The following SYNPO2 variants were observed in gnomAD, a reference collection of about 807,000 sequenced individuals.
SYNPO2 encodes synaptopodin-2.
A neutral mutation model predicts 85.0 loss-of-function variants in SYNPO2; 56 were observed. That is an observed-to-expected ratio of 0.66 (90% CI 0.53 to 0.82). SYNPO2 has a LOEUF of 0.82. Among genes scored for constraint, SYNPO2 ranks in the 40% least tolerant of loss-of-function variants. SYNPO2 has a pLI of 0.00. For synonymous variants in SYNPO2, 602 were observed against 591.1 expected (o/e 1.02, Z -0.27); for missense variants, 1,575 against 1,534.2 (o/e 1.03, Z -0.44).
intron 1 of SYNPO2, among the ~76,000 whole-genome samples, chr4:118,882,800 C>T (rs1375057224): frequency 2.0e-5 from 3 of 150,214 alleles, no homozygotes; most frequent in Admixed American, 6.7e-5. Context: ...GACGGAGTCT[C>T]GCTCTGTCGC....
intron 1 of SYNPO2, among the ~76,000 whole-genome samples, chr4:118,969,493 A>C (rs1163171511): frequency 6.6e-6 from 1 of 152,146 alleles, no homozygotes; most frequent in Admixed American, 6.5e-5. Context: ...TGCTCTGAGG[A>C]GGTGTGGAGC....
At chr4:118,976,076 T>C (rs1050015834) in intron 1 of SYNPO2, among the ~76,000 whole-genome samples, 85 of 152,242 alleles carry the variant, frequency 5.6e-4, no homozygotes, top group Non-Finnish European at 8.8e-5. Flanking sequence ...AGTGACTTTG[T>C]GTCCAGAATT....
chr4:118,989,902 G>A (rs1736347514), intron 1 of SYNPO2, among the ~76,000 whole-genome samples: 1 of 152,200 alleles, frequency 6.6e-6, no homozygotes, highest in South Asian at 2.1e-4. Flanking sequence ...TCCATCAGTA[G>A]ACCGATCCAC....
intron 1 of SYNPO2, among the ~76,000 whole-genome samples, chr4:118,876,685 CTT>C (rs1228995021): frequency 2.7e-5 from 2 of 74,298 alleles, no homozygotes; most frequent in African/African-American, 1.1e-4. Context: ...TTCTTTCTTT[CTT>C]TCTTTCTTTC....
At chr4:119,014,472 A>G (rs1409886845) in intron 1 of SYNPO2, among the ~76,000 whole-genome samples, 1 of 152,192 alleles carries the variant, frequency 6.6e-6, no homozygotes, top group Non-Finnish European at 1.5e-5. Flanking sequence ...CACTATTCTC[A>G]CTACATTACC....
chr4:118,913,563 T>TTGTGTGTGTG (rs10686830), intron 1 of SYNPO2, among the ~76,000 whole-genome samples: 8 of 147,272 alleles, frequency 5.4e-5, no homozygotes, highest in African/African-American at 7.5e-5. Context: ...CATTTATTGT[T>TTGTGTGTGTG]TGTGTGTGTG....
In SYNPO2 at chr4:119,026,695, A is replaced by AT. The variant is rs779618624; in HGVS notation, c.327dup (p.Gly110TrpfsTer30). On this transcript the variant is annotated frameshift_variant, in exon 3 of 5. Coordinates refer to ENST00000307142, the MANE Select transcript of SYNPO2 (RefSeq NM_133477.3). LOFTEE classifies it high-confidence loss of function. ...AACAAAAACCTCGAGCATCTCACAC[A>AT]TGGGGGTTATGTGGAAAGTACCACC... 1 of 1,614,036 alleles carries AT rather than the reference A, an allele frequency of 6.2e-7. No individual in the cohort carries two copies.
At chr4:118,864,179 G>A (rs1731664679) in intron 1 of SYNPO2, among the ~76,000 whole-genome samples, 1 of 152,104 alleles carries the variant, frequency 6.6e-6, no homozygotes, top group Non-Finnish European at 1.5e-5. Context: ...TTCAAGAAAT[G>A]TTTAAATTTC....
At chr4:119,056,251 T>C (rs1288209119) in intron 4 of SYNPO2, among the ~76,000 whole-genome samples, 1 of 152,186 alleles carries the variant, frequency 6.6e-6, no homozygotes, top group Non-Finnish European at 1.5e-5. Context: ...ACAAGAGGTT[T>C]CATTAAATTA....
At chr4:119,044,762 G>T (rs1002189626) in intron 4 of SYNPO2, among the ~76,000 whole-genome samples, 5 of 152,128 alleles carry the variant, frequency 3.3e-5, no homozygotes, top group Non-Finnish European at 7.4e-5. Context: ...CAGGGCCCAG[G>T]ATATTAATCA....
chr4:119,005,872 C>A (rs940330020), intron 1 of SYNPO2, among the ~76,000 whole-genome samples: 1 of 152,168 alleles, frequency 6.6e-6, no homozygotes, highest in Non-Finnish European at 1.5e-5. Context: ...AGCATTAACA[C>A]TAAGCTAGTC....
At chr4:118,930,910 C>T in intron 1 of SYNPO2, among the ~76,000 whole-genome samples, 1 of 114,996 alleles carries the variant, frequency 8.7e-6, no homozygotes. Flanking sequence ...ACAACACTAC[C>T]TTGCCTCAAA....
At chr4:118,942,540 T>G (rs371462447) in intron 1 of SYNPO2, among the ~76,000 whole-genome samples, 1 of 152,242 alleles carries the variant, frequency 6.6e-6, no homozygotes, top group African/African-American at 2.4e-5. Flanking sequence ...TTACTTTAAA[T>G]GTGAGGGTTT....
intron 4 of SYNPO2, among the ~76,000 whole-genome samples, chr4:119,053,655 T>C (rs1385130192): frequency 6.6e-6 from 1 of 152,238 alleles, no homozygotes; most frequent in African/African-American, 2.4e-5. Flanking sequence ...TCTTTGTTAA[T>C]AGGATATCAC....
intron 1 of SYNPO2, among the ~76,000 whole-genome samples, chr4:118,864,664 C>T (rs909328990): frequency 6.6e-6 from 1 of 152,166 alleles, no homozygotes; most frequent in African/African-American, 2.4e-5. Context: ...GTTTTAGCCT[C>T]CTGCTGAATT....
rs201259905 is a variant in SYNPO2 at position 118,927,729 on chromosome 4, TA to T, written c.105+38589del. Among the ~76,000 whole-genome samples the T allele has an allele frequency of 6.2e-3, 928 of 150,198 alleles. 4 individuals are homozygous for T. The highest frequency in any genetic ancestry group is 0.014 in the African/African-American group (554 of 40,680). On this transcript the variant is annotated intron_variant, in intron 1 of 4. Coordinates refer to ENST00000307142, the MANE Select transcript of SYNPO2 (RefSeq NM_133477.3). Reference sequence around the variant, plus strand: ...ATAGATAGATAGATAGATAGATAGATAGATAGATAGATAGATAGATGATAGA... The same window carrying T: ...ATAGATAGATAGATAGATAGATAGATGATAGATAGATAGATAGATGATAGA...
chr4:119,045,133 T>C (rs1362021095), intron 4 of SYNPO2, among the ~76,000 whole-genome samples: 1 of 152,226 alleles, frequency 6.6e-6, no homozygotes, highest in African/African-American at 2.4e-5. Context: ...GGCATTTTAA[T>C]TGGGAAATAA....
chr4:118,964,487 C>T (rs1012598497), intron 1 of SYNPO2, among the ~76,000 whole-genome samples: 1 of 149,178 alleles, frequency 6.7e-6, no homozygotes, highest in African/African-American at 2.5e-5. Flanking sequence ...GAGAGCCTGT[C>T]TCAAAAGTAA....
At chr4:118,875,554 G>A (rs1731889669) in intron 1 of SYNPO2, among the ~76,000 whole-genome samples, 1 of 152,152 alleles carries the variant, frequency 6.6e-6, no homozygotes, top group Non-Finnish European at 1.5e-5. Context: ...CCATAAAAAT[G>A]TATCATGTGA....
Sources: allele counts gnomAD v4.1 joint callset (sites outside exome capture counted in the v4.1 genomes callset), GRCh38; gene constraint gnomAD v4.1.1; transcripts MANE v1.5; gene names NCBI Gene and HGNC (gene_info 2026-07-23, HGNC 2026-07-21).